The following PMP22 variants were observed in gnomAD, a reference collection of about 807,000 sequenced individuals.
PMP22 encodes peripheral myelin protein 22.
PMP22 carries 2 observed loss-of-function variants against 18.9 expected under a neutral mutation model. That is an observed-to-expected ratio of 0.11 (90% CI 0.04 to 0.33). The LOEUF is 0.33. Ranked by LOEUF, PMP22 falls within the 10% of genes least tolerant of loss-of-function variation. The probability of loss-of-function intolerance (pLI) is 1.00; values close to 1 mark genes in which losing one functional copy is unlikely to be tolerated. For missense variants in PMP22, 169 were observed against 202.2 expected, an observed-to-expected ratio of 0.84 and a Z score of 1.00; for synonymous variants, 95 against 89.2, an observed-to-expected ratio of 1.07 and a Z score of -0.37.
chr17:15,249,151 C>T (rs977875555), intron 3 of PMP22, among the ~76,000 whole-genome samples: 1 of 152,204 alleles, frequency 6.6e-6, no homozygotes, highest in Admixed American at 6.5e-5. Flanking sequence ...AAGCACAAAA[C>T]CCATCTCTGC....
rs1468997821 is a variant in PMP22, at chr17:15,258,946, C to T, written c.178+148G>A. 1 of 706,958 alleles carries T rather than the reference C, an allele frequency of 1.4e-6. No homozygotes were observed. Among genetic ancestry groups the T allele is most frequent in the Non-Finnish European group, 2.6e-6 (1 of 386,614 alleles). 43.8% of individuals were successfully genotyped at this position (706,958 alleles called of 1,614,324 possible). A position where few individuals can be genotyped will look rare whatever the true frequency, so the allele number is the denominator to read the frequency against. ...CGAGATCACCACCCCTCCCATTTTC[C>T]CTGGACTCATGGCTCCCTGTCACAT... On this transcript the variant is annotated intron_variant, in intron 3 of 4. Coordinates refer to ENST00000312280, the MANE Select transcript of PMP22 (RefSeq NM_000304.4). The surrounding 1 kb of genome is among the most constrained non-coding windows in gnomAD (Gnocchi z 4.1).
At chr17:15,239,407 A>G in intron 4 of PMP22, 64 bp downstream of exon 4, 2 of 1,571,288 alleles carry the variant, frequency 1.3e-6, no homozygotes, top group Non-Finnish European at 1.8e-6. Context: ...CTTCTACTAA[A>G]CTAATCATTC....
chr17:15,257,902 T>G (rs977471898), intron 3 of PMP22, among the ~76,000 whole-genome samples: 39 of 152,208 alleles, frequency 2.6e-4, no homozygotes, highest in African/African-American at 9.2e-4. Context: ...GCAGTTTCTA[T>G]TTGTACTGTG....
chr17:15,256,754 G>C (rs911564620), intron 3 of PMP22, among the ~76,000 whole-genome samples: 1 of 152,226 alleles, frequency 6.6e-6, no homozygotes, highest in South Asian at 2.1e-4. Flanking sequence ...TAGTTCATTT[G>C]TAAAGACAGT....
intron 1 of PMP22, 115 bp from the exon 2 acceptor site, chr17:15,260,876 G>C: frequency 2.9e-6 from 2 of 695,966 alleles, no homozygotes; most frequent in Non-Finnish European, 4.8e-6. Context: ...AGCGCCCGCA[G>C]CCCGACCGCC....
chr17:15,239,933 C>T (rs1446236462), intron 3 of PMP22, among the ~76,000 whole-genome samples: 2 of 151,858 alleles, frequency 1.3e-5, no homozygotes, highest in East Asian at 3.9e-4. Flanking sequence ...AATATGCATA[C>T]AAATATGTAC....
At chr17:15,234,067 G>C (rs908505473) in intron 4 of PMP22, among the ~76,000 whole-genome samples, 1 of 152,208 alleles carries the variant, frequency 6.6e-6, no homozygotes, top group Non-Finnish European at 1.5e-5. Flanking sequence ...GCTGGAAGGT[G>C]CATGAGGAGG....
chr17:15,253,640 G>A (rs748127118), intron 3 of PMP22, among the ~76,000 whole-genome samples: 4 of 152,018 alleles, frequency 2.6e-5, no homozygotes, highest in Admixed American at 6.6e-5. Flanking sequence ...GAGATGGTCT[G>A]TGATTCTACT....
intron 2 of PMP22, among the ~76,000 whole-genome samples, chr17:15,259,753 A>G (rs1250863159): frequency 6.6e-6 from 1 of 151,596 alleles, no homozygotes; most frequent in Non-Finnish European, 1.5e-5. Context: ...AAGCCTGGCC[A>G]ACATAGTGAA....
chr17:15,230,830 T>G lies in PMP22; in HGVS notation c.*87A>C. The G allele has an allele frequency of 6.8e-7, 1 of 1,469,426 alleles. No homozygotes were observed. Among genetic ancestry groups the G allele is most frequent in the South Asian group, 1.1e-5 (1 of 87,618 alleles). 91.0% of individuals were successfully genotyped at this position (1,469,426 alleles called of 1,614,324 possible). On this transcript the variant is annotated 3_prime_UTR_variant, in exon 5 of 5. Coordinates refer to ENST00000312280, the MANE Select transcript of PMP22 (RefSeq NM_000304.4). ...TTGGTTTGAGTTTGGGATTTTGGGC[T>G]AGCTCTTTTTTCTTTGTCTGCTTTC...
chr17:15,243,305 A>G (rs1907510843), intron 3 of PMP22, among the ~76,000 whole-genome samples: 1 of 152,150 alleles, frequency 6.6e-6, no homozygotes. Flanking sequence ...GAAACATACT[A>G]AGTTCCTGGA....
intron 3 of PMP22, among the ~76,000 whole-genome samples, chr17:15,253,227 G>A (rs1046163523): frequency 2.0e-4 from 30 of 152,136 alleles, no homozygotes; most frequent in African/African-American, 6.8e-4. Flanking sequence ...CATGGACCCT[G>A]CGTGCCATGC....
chr17:15,251,679 C>T (rs1295173963), intron 3 of PMP22: 1 of 148,424 alleles, frequency 6.7e-6, no homozygotes, highest in African/African-American at 2.5e-5. Context: ...ACTCATGTGG[C>T]CCCCAGCACT....
rs187422927 is a variant in PMP22 at position 15,263,832 on chromosome 17, G to A, written c.-35+1322C>T. On this transcript the variant is annotated intron_variant, in intron 1 of 4. Coordinates refer to ENST00000312280, the MANE Select transcript of PMP22 (RefSeq NM_000304.4). ...TGTAAACACTGCATTTACAGTGCCCGTTATATGCCAAGCACTTTGCCTGGA... is the reference window on the plus strand; with the variant it reads ...TGTAAACACTGCATTTACAGTGCCCATTATATGCCAAGCACTTTGCCTGGA... Among the ~76,000 whole-genome samples the A allele has an allele frequency of 3.9e-5, 6 of 152,198 alleles. No homozygotes were observed. In the East Asian group the frequency reaches 9.7e-4, roughly 24 times the overall value.
intron 3 of PMP22, among the ~76,000 whole-genome samples, chr17:15,239,970 A>C (rs975403499): frequency 1.3e-5 from 2 of 152,248 alleles, no homozygotes; most frequent in African/African-American, 4.8e-5. Flanking sequence ...GTGTATATAC[A>C]CATATACAAA....
intron 3 of PMP22, among the ~76,000 whole-genome samples, chr17:15,246,051 G>A (rs1907785764): frequency 6.6e-6 from 1 of 151,712 alleles, no homozygotes; most frequent in Non-Finnish European, 1.5e-5. Flanking sequence ...GAAAATGAGA[G>A]CCACAATGTT....
intron 3 of PMP22, among the ~76,000 whole-genome samples, chr17:15,244,542 G>A (rs1907626698): frequency 6.6e-6 from 1 of 152,150 alleles, no homozygotes; most frequent in Non-Finnish European, 1.5e-5. Context: ...GACATTGATT[G>A]TAGCATTTCT....
At chr17:15,264,953 C>T (rs180840264) in intron 1 of PMP22, among the ~76,000 whole-genome samples, 82 of 152,278 alleles carry the variant, frequency 5.4e-4, no homozygotes, top group African/African-American at 1.9e-3. Flanking sequence ...GATGGCCCCC[C>T]ACCTCCCCAG....
intron 3 of PMP22, among the ~76,000 whole-genome samples, chr17:15,246,261 C>G (rs1214232700): frequency 6.6e-6 from 1 of 152,210 alleles, no homozygotes; most frequent in Admixed American, 6.5e-5. Context: ...TTCTTAACAA[C>G]TACTCAATTC....
Sources: allele counts gnomAD v4.1 joint callset (sites outside exome capture counted in the v4.1 genomes callset), GRCh38; gene constraint gnomAD v4.1.1; non-coding constraint Gnocchi (gnomAD v3.1); transcripts MANE v1.5; gene names NCBI Gene and HGNC (gene_info 2026-07-23, HGNC 2026-07-21).